Variants in TRIM37 observed in about 807,000 individuals in gnomAD.
TRIM37 encodes tripartite motif containing 37.
In TRIM37, 80 loss-of-function variants were observed where a neutral mutation model predicts 129.8. That is an observed-to-expected ratio of 0.62 (90% CI 0.51 to 0.74). The LOEUF is 0.74. TRIM37 is among the 30% of genes least tolerant of loss of function. The pLI is 0.00. For missense variants in TRIM37, 1,054 were observed against 1,176.5 expected (o/e 0.90, Z 1.52); for synonymous variants, 389 against 387.1 (o/e 1.00, Z -0.06).
chr17:59,055,352 A>AAC (rs1456528649), intron 13 of TRIM37, among the ~76,000 whole-genome samples: 5 of 151,304 alleles, frequency 3.3e-5, no homozygotes, highest in African/African-American at 1.2e-4. Context: ...AAAAAAAAAA[A>AAC]AAAAAAATTG....
At chr17:59,083,923 C>A (rs1599444808) in intron 5 of TRIM37, 79 bp downstream of exon 5, 1 of 1,126,626 alleles carries the variant, frequency 8.9e-7, no homozygotes, top group East Asian at 2.4e-5. Flanking sequence ...AGCATAATGA[C>A]ACTATTTTCT....
intron 18 of TRIM37, among the ~76,000 whole-genome samples, chr17:59,030,037 A>C (rs182313572): frequency 5.9e-5 from 9 of 151,506 alleles, no homozygotes; most frequent in Admixed American, 5.9e-4. Context: ...TATTCTTAAA[A>C]CTCCTTTGCA....
rs2044297384 is a variant in TRIM37, at chr17:59,091,435, A to G, written c.124-95T>C. On this transcript the variant is annotated intron_variant, in intron 2 of 23. Coordinates refer to ENST00000262294, the MANE Select transcript of TRIM37 (RefSeq NM_015294.6). ...TATATTTATATATAATATATATAAT[A>G]TTCTTAATATATATAATATATAAAT... 1.2e-5 allele frequency: 3 copies of G among 241,440 alleles called. No homozygotes were observed. In the South Asian group the frequency reaches 2.5e-4, roughly 20 times the overall value. The allele number at this position is 241,440 out of a possible 1,614,324, so 15.0% of individuals were successfully genotyped here.
chr17:59,041,680 T>C (rs2039169826), intron 17 of TRIM37, 133 bp downstream of exon 17: 1 of 676,762 alleles, frequency 1.5e-6, no homozygotes, highest in Non-Finnish European at 2.6e-6. Context: ...AAAATCCATA[T>C]TATAAGATAT....
chr17:58,970,432 T>G, the TRIM37 span, among the ~76,000 whole-genome samples: 18 of 152,272 alleles, frequency 1.2e-4, 1 homozygote, highest in South Asian at 3.7e-3. Flanking sequence ...TGGGGACGAA[T>G]AAAAGAATTT....
chr17:59,057,360 G>A (rs754621726), intron 12 of TRIM37, among the ~76,000 whole-genome samples: 4 of 152,206 alleles, frequency 2.6e-5, no homozygotes, highest in East Asian at 1.9e-4. Flanking sequence ...GATTACAGGC[G>A]TGTACCATGC....
At chr17:59,039,554 C>T (rs1440607839) in intron 17 of TRIM37, among the ~76,000 whole-genome samples, 1 of 152,064 alleles carries the variant, frequency 6.6e-6, no homozygotes, top group East Asian at 1.9e-4. Context: ...ATCATGTTAG[C>T]CAGGATGGTC....
intron 24 of TRIM37, among the ~76,000 whole-genome samples, chr17:58,989,563 G>GA (rs2032155115): frequency 6.6e-6 from 1 of 152,176 alleles, no homozygotes. Context: ...TGTAAGACAT[G>GA]AAAAATGCCA....
intron 22 of TRIM37, among the ~76,000 whole-genome samples, chr17:59,011,359 T>A (rs1306479681): frequency 1.3e-5 from 2 of 152,156 alleles, no homozygotes; most frequent in Non-Finnish European, 2.9e-5. Context: ...AAAACCAAAA[T>A]ATTTAGTGTT....
chr17:59,028,371 C>G, intron 19 of TRIM37, 44 bp downstream of exon 19: 1 of 1,578,914 alleles, frequency 6.3e-7, no homozygotes, highest in Non-Finnish European at 8.6e-7. Flanking sequence ...ATCTAGTTTC[C>G]CAAATAACGT....
the TRIM37 span, among the ~76,000 whole-genome samples, chr17:58,975,449 CA>C: frequency 6.6e-6 from 1 of 152,042 alleles, no homozygotes; most frequent in Non-Finnish European, 1.5e-5. Context: ...CCAACCTGGG[CA>C]ACATAGTGAT....
At chr17:59,011,088 G>A (rs1465780111) in intron 22 of TRIM37, among the ~76,000 whole-genome samples, 1 of 151,800 alleles carries the variant, frequency 6.6e-6, no homozygotes, top group Non-Finnish European at 1.5e-5. Flanking sequence ...AGAATCGCTT[G>A]AACCCGGGAG....
At chr17:58,972,988 C>A in the TRIM37 span, 1 of 1,104,072 alleles carries the variant, frequency 9.1e-7, no homozygotes, top group Non-Finnish European at 1.4e-6. Context: ...CCTGTATCAA[C>A]TCTGATACAG....
chr17:59,106,551 G>A lies in TRIM37; in HGVS notation c.-90C>T. On this transcript the variant is annotated 5_prime_UTR_variant, in exon 1 of 24. Coordinates refer to ENST00000262294, the MANE Select transcript of TRIM37 (RefSeq NM_015294.6). ...CGGCCCGAGGTCGCCAGATCAAATC[G>A]CCGATAAAAGCCCGGCGCCCACGTC... 9 of 1,514,508 alleles carry A rather than the reference G, an allele frequency of 5.9e-6. No homozygotes were observed. Among genetic ancestry groups the A allele is most frequent in the East Asian group, 2.4e-5 (1 of 42,274 alleles). The allele number at this position is 1,514,508 out of a possible 1,614,324, so 93.8% of individuals were successfully genotyped here. A position where few individuals can be genotyped will look rare whatever the true frequency, so the allele number is the denominator to read the frequency against.
rs373141435 is a variant in TRIM37 at position 59,067,783 on chromosome 17, G to A, written c.809+3040C>T. On this transcript the variant is annotated intron_variant, in intron 9 of 23. Coordinates refer to ENST00000262294, the MANE Select transcript of TRIM37 (RefSeq NM_015294.6). ...ACTCCTGACTTCAGGTGATCCGCCC[G>A]CCTCGGCCTCCCAAGGTGCTGGGGT... is the stretch of plus-strand genomic sequence containing the variant. Among the ~76,000 whole-genome samples the A allele has an allele frequency of 2.1e-4, 31 of 144,212 alleles. 4 individuals are homozygous for A. The highest frequency in any genetic ancestry group is 1.5e-3 in the Admixed American group (22 of 14,780). The allele number at this position is 144,212 out of a possible 152,430, so 94.6% of individuals were successfully genotyped here.
chr17:59,084,926 C>T (rs1296507586), intron 4 of TRIM37, among the ~76,000 whole-genome samples: 7 of 152,200 alleles, frequency 4.6e-5, no homozygotes, highest in Admixed American at 4.6e-4. Context: ...CCTATCAGAA[C>T]TGTGAGAAAA....
chr17:59,035,469 T>C (rs1470772375), intron 17 of TRIM37, among the ~76,000 whole-genome samples: 1 of 152,008 alleles, frequency 6.6e-6, no homozygotes, highest in Non-Finnish European at 1.5e-5. Flanking sequence ...AATAAAGCTA[T>C]ACAGCCAGGC....
intron 12 of TRIM37, among the ~76,000 whole-genome samples, chr17:59,060,400 G>C (rs1042806789): frequency 4.0e-5 from 6 of 149,914 alleles, no homozygotes; most frequent in African/African-American, 1.2e-4. Flanking sequence ...TTAGCTGAAA[G>C]CAGACATTCC....
rs2042687852 is a variant in TRIM37 at position 59,075,058 on chromosome 17, G to T, written c.684+589C>A. 2.6e-5 allele frequency among the ~76,000 whole-genome samples: 4 copies of T among 152,298 alleles called. No individual in the cohort carries two copies. The South Asian group carries it at 8.3e-4, about 32-fold the overall frequency. ...CACCACTTAAGTCACAGTGTGGGGA[G>T]ATTTTAACCTCTTATACATTCAGAT... On this transcript the variant is annotated intron_variant, in intron 8 of 23. Coordinates refer to ENST00000262294, the MANE Select transcript of TRIM37 (RefSeq NM_015294.6).
Sources: gnomAD v4.1 joint callset for allele counts (sites outside exome capture counted in the v4.1 genomes callset) on GRCh38, gnomAD v4.1.1 for gene constraint, MANE v1.5 for transcripts, NCBI Gene and HGNC (gene_info 2026-07-23, HGNC 2026-07-21) for gene names.